LATS1: variants seen among roughly 807,000 people sequenced by gnomAD.
The protein encoded by LATS1 is serine/threonine-protein kinase LATS1.
Under a neutral mutation model 106.6 loss-of-function variants are expected in LATS1, and 25 were observed. The observed-to-expected ratio is 0.23, with a 90% CI of 0.17 to 0.33. The LOEUF is 0.33. LATS1 is among the 10% of genes least tolerant of loss of function. The pLI, the probability that LATS1 is intolerant of heterozygous loss-of-function variation, is 1.00. For synonymous variants in LATS1, 465 were observed against 455.6 expected, an observed-to-expected ratio of 1.02 and a Z score of -0.26; for missense variants, 1,040 against 1,382.6, an observed-to-expected ratio of 0.75 and a Z score of 3.93.
intron 1 of LATS1, among the ~76,000 whole-genome samples, chr6:149,704,320 A>G (rs1783630575): frequency 6.6e-6 from 1 of 152,164 alleles, no homozygotes. Context: ...GTAGTTCTAT[A>G]TAATGTACAG....
intron 1 of LATS1, among the ~76,000 whole-genome samples, chr6:149,704,881 TAATTATAC>T (rs1340071934): frequency 9.8e-6 from 1 of 102,002 alleles, no homozygotes; most frequent in Non-Finnish European, 1.8e-5. Flanking sequence ...TTATAGAAAT[TAATTATAC>T]ACACACACAC....
chr6:149,674,460 C>T (rs1781603513), intron 7 of LATS1, among the ~76,000 whole-genome samples: 1 of 152,162 alleles, frequency 6.6e-6, no homozygotes, highest in Admixed American at 6.5e-5. Context: ...ACTGCAACGT[C>T]TCCTAGGCTC....
chr6:149,711,557 A>G (rs62441278), intron 1 of LATS1, among the ~76,000 whole-genome samples: 1 of 152,170 alleles, frequency 6.6e-6, no homozygotes, highest in Admixed American at 6.5e-5. Context: ...AAACAAAATG[A>G]AATTTTTTTT....
intron 2 of LATS1, among the ~76,000 whole-genome samples, chr6:149,695,854 A>C (rs2114913922): frequency 6.6e-6 from 1 of 151,572 alleles, no homozygotes; most frequent in South Asian, 2.1e-4. Flanking sequence ...AGGATTAACA[A>C]CTTCTCTGGG....
chr6:149,708,271 C>T (rs1260842511), intron 1 of LATS1, among the ~76,000 whole-genome samples: 3 of 151,876 alleles, frequency 2.0e-5, no homozygotes, highest in Admixed American at 6.6e-5. Flanking sequence ...AAAAATTAGC[C>T]GAGCGTGGTG....
intron 7 of LATS1, among the ~76,000 whole-genome samples, chr6:149,666,601 G>A (rs1781165252): frequency 6.6e-6 from 1 of 150,612 alleles, no homozygotes; most frequent in African/African-American, 2.4e-5. Context: ...CCCAGCTTGG[G>A]CAACAGGGCA....
intron 5 of LATS1, among the ~76,000 whole-genome samples, chr6:149,679,384 T>G (rs1781907968): frequency 1.3e-5 from 2 of 151,908 alleles, no homozygotes; most frequent in African/African-American, 4.8e-5. Flanking sequence ...AAACCCCATC[T>G]CTATTAAAAA....
intron 2 of LATS1, among the ~76,000 whole-genome samples, chr6:149,698,137 A>G (rs1265408892): frequency 6.6e-6 from 1 of 152,058 alleles, no homozygotes; most frequent in Non-Finnish European, 1.5e-5. Flanking sequence ...GTTTTACAAT[A>G]TTTCTTATAG....
At chr6:149,689,555 T>C (rs1441926308) in intron 3 of LATS1, among the ~76,000 whole-genome samples, 1 of 152,182 alleles carries the variant, frequency 6.6e-6, no homozygotes, top group African/African-American at 2.4e-5. Context: ...AGTGATGCAG[T>C]GGGCAGACTG....
At chr6:149,701,663 A>G (rs921812997) in intron 2 of LATS1, 116 bp downstream of exon 2, 12 of 655,600 alleles carry the variant, frequency 1.8e-5, no homozygotes, top group Non-Finnish European at 3.2e-5. Flanking sequence ...GAATACATAA[A>G]TGTGTATACA....
chr6:149,695,325 A>C (rs996291901), intron 2 of LATS1, 104 bp from the exon 3 acceptor site: 1 of 684,028 alleles, frequency 1.5e-6, no homozygotes, highest in African/African-American at 1.9e-5. Context: ...CATAATTATG[A>C]AGAACACAGC....
chr6:149,682,492 A>G (rs1313399574), intron 4 of LATS1, among the ~76,000 whole-genome samples: 1 of 150,998 alleles, frequency 6.6e-6, no homozygotes, highest in Non-Finnish European at 1.5e-5. Context: ...GCTCACTGCA[A>G]CCTCCGCCTC....
Position 149,662,192 on chromosome 6 carries a change from A to C in LATS1, c.2930T>G (p.Leu977Arg), listed in dbSNP as rs766845191. 3.1e-6 allele frequency: 5 copies of C among 1,613,088 alleles called. No individual in the cohort carries two copies. The highest frequency in any genetic ancestry group is 4.2e-6 in the Non-Finnish European group (5 of 1,179,912). ...AATAAGATCAGAAGCTTCAGGACTGAGTTTAGCTTGTGGTGGAATGTGAAG... is the reference window on the plus strand; with the variant it reads ...AATAAGATCAGAAGCTTCAGGACTGCGTTTAGCTTGTGGTGGAATGTGAAG... ...TSLHIPPQAK[L>R]SPEASDLIIK... The change falls in exon 8 of 8, where the codon CTC (leucine) becomes CGC (arginine). Residue 977 changes from leucine (L) to arginine (R), a missense_variant. Physicochemically the swap from Leu to Arg is moderately radical, Grantham distance 102. Transcript: ENST00000543571.
At chr6:149,674,893 G>C (rs1045515857) in intron 7 of LATS1, among the ~76,000 whole-genome samples, 14 of 150,922 alleles carry the variant, frequency 9.3e-5, no homozygotes, top group Non-Finnish European at 1.9e-4. Flanking sequence ...GAAATGTTTT[G>C]ACCTTATCTC....
intron 4 of LATS1, among the ~76,000 whole-genome samples, chr6:149,681,718 G>A (rs1782039824): frequency 6.6e-6 from 1 of 152,092 alleles, no homozygotes; most frequent in African/African-American, 2.4e-5. Context: ...TTAAAAGAAT[G>A]GTTCAAGTAT....
In LATS1 at chr6:149,701,983, A is replaced by G. The variant is rs1582912739; in HGVS notation, c.144T>C (p.Ala48=). 1 of 1,614,200 alleles carries G rather than the reference A, an allele frequency of 6.2e-7. No individual in the cohort carries two copies. Among genetic ancestry groups the G allele is most frequent in the Non-Finnish European group, 8.5e-7 (1 of 1,180,030 alleles). ...TTTTACTCATGTTATGCTCAGCCTT[A>G]GCAGCATCAGATGGTTTAGATAAAT... The part of the protein sequence containing the change: ...LRNLSKPSDA[A]KAEHNMSKMS... The change falls in exon 2 of 8, where the codon GCT becomes GCC. Residue 48 remains alanine, a synonymous_variant. Coordinates refer to ENST00000543571, the MANE Select transcript of LATS1 (RefSeq NM_004690.4).
At chr6:149,713,203 C>G (rs1784202400) in intron 1 of LATS1, among the ~76,000 whole-genome samples, 1 of 152,130 alleles carries the variant, frequency 6.6e-6, no homozygotes, top group Middle Eastern at 3.2e-3. Flanking sequence ...AATCTCCCCT[C>G]CAAAGCAGAG....
chr6:149,666,556 G>A (rs72643464), intron 7 of LATS1, among the ~76,000 whole-genome samples: 12 of 151,808 alleles, frequency 7.9e-5, no homozygotes, highest in South Asian at 2.1e-4. Flanking sequence ...AGGCGGTGGC[G>A]GAGGCTGCAG....
intron 4 of LATS1, among the ~76,000 whole-genome samples, chr6:149,680,723 A>G (rs1582869305): frequency 1.5e-5 from 2 of 133,532 alleles, no homozygotes; most frequent in African/African-American, 5.9e-5. Flanking sequence ...TAAGCTTTCT[A>G]CTCTTCTCTA....
Sources: allele counts gnomAD v4.1 joint callset (sites outside exome capture counted in the v4.1 genomes callset), GRCh38; gene constraint gnomAD v4.1.1; transcripts MANE v1.5; gene names NCBI Gene and HGNC (gene_info 2026-07-23, HGNC 2026-07-21).